Variants in TAFA1 observed in about 807,000 individuals in gnomAD.
The protein encoded by TAFA1 is TAFA chemokine like family member 1, also known as chemokine-like protein TAFA-1.
In TAFA1, 4 loss-of-function variants were observed where a neutral mutation model predicts 18.5. That is an observed-to-expected ratio of 0.22 (90% confidence interval 0.11 to 0.49). The LOEUF (loss-of-function observed/expected upper bound fraction) is 0.49. Ranked by LOEUF, TAFA1 falls within the 20% of genes least tolerant of loss-of-function variation. The pLI is 0.98. For synonymous variants in TAFA1, 56 were observed against 55.2 expected (o/e 1.01, Z -0.06); for missense variants, 147 against 169.0 (o/e 0.87, Z 0.72).
At chr3:68,266,106 C>A (rs1384042922) in intron 2 of TAFA1, among the ~76,000 whole-genome samples, 1 of 152,040 alleles carries the variant, frequency 6.6e-6, no homozygotes, top group Non-Finnish European at 1.5e-5. Flanking sequence ...AAAGAAAGCA[C>A]CCGTGATAAG....
intron 3 of TAFA1, among the ~76,000 whole-genome samples, chr3:68,429,400 T>C (rs1299494129): frequency 6.6e-6 from 1 of 151,956 alleles, no homozygotes; most frequent in Non-Finnish European, 1.5e-5. Context: ...AAGAACCTGA[T>C]GCCTTAGAGA....
At chr3:68,517,290 T>C (rs2072937765) in intron 3 of TAFA1, among the ~76,000 whole-genome samples, 1 of 152,250 alleles carries the variant, frequency 6.6e-6, no homozygotes, top group Non-Finnish European at 1.5e-5. Flanking sequence ...GCAGAGAATG[T>C]AATACCAGTT....
At chr3:68,204,558 G>A (rs761884093) in intron 2 of TAFA1, among the ~76,000 whole-genome samples, 8 of 151,958 alleles carry the variant, frequency 5.3e-5, no homozygotes, top group South Asian at 2.1e-4. Flanking sequence ...TCTGAATCAC[G>A]TGCCTTTGCA....
intron 2 of TAFA1, among the ~76,000 whole-genome samples, chr3:68,329,946 C>A (rs1411066499): frequency 6.6e-6 from 1 of 152,122 alleles, no homozygotes; most frequent in Non-Finnish European, 1.5e-5. Flanking sequence ...AACCCCAAGT[C>A]AAGCTGGCAA....
intron 2 of TAFA1, among the ~76,000 whole-genome samples, chr3:68,367,715 G>A (rs1327390565): frequency 1.3e-5 from 2 of 152,090 alleles, no homozygotes; most frequent in Non-Finnish European, 2.9e-5. Flanking sequence ...GCTCTCTGTG[G>A]TAGGACCCAT....
intron 3 of TAFA1, among the ~76,000 whole-genome samples, chr3:68,469,714 C>T (rs1399900580): frequency 6.6e-6 from 1 of 152,106 alleles, no homozygotes; most frequent in East Asian, 1.9e-4. Context: ...TTCTTTGAGA[C>T]ATTGGAAGCT....
At chr3:68,212,991 G>A (rs1429138581) in intron 2 of TAFA1, among the ~76,000 whole-genome samples, 2 of 151,662 alleles carry the variant, frequency 1.3e-5, no homozygotes, top group South Asian at 2.1e-4. Context: ...CCTCCTCTGG[G>A]CCCAGCTAAC....
Position 68,523,718 on chromosome 3 carries a change from G to A in TAFA1, c.260-15038G>A, listed in dbSNP as rs535868750. On this transcript the variant is annotated intron_variant, in intron 3 of 4. Transcript: ENST00000478136. ...TGTTTTGCTATTTAAGTGTATTATG[G>A]AAAAGATTGTTTTTATTTTTCTTTT... Among the ~76,000 whole-genome samples the A allele has an allele frequency of 1.2e-4, 19 of 152,198 alleles. No individual in the cohort carries two copies. In the East Asian group the frequency reaches 3.7e-3, roughly 29 times the overall value.
intron 3 of TAFA1, among the ~76,000 whole-genome samples, chr3:68,498,387 G>A (rs1367070411): frequency 6.8e-6 from 1 of 147,028 alleles, no homozygotes; most frequent in Non-Finnish European, 1.5e-5. Context: ...ACACCTAGGA[G>A]GCAGGGTTAT....
chr3:67,993,696 A>G, the TAFA1 span, among the ~76,000 whole-genome samples: 1 of 152,224 alleles, frequency 6.6e-6, no homozygotes. Flanking sequence ...AAACTGAGTC[A>G]GTTTAGTATA....
intron 2 of TAFA1, among the ~76,000 whole-genome samples, chr3:68,260,505 A>T (rs1307608767): frequency 6.6e-6 from 1 of 152,118 alleles, no homozygotes; most frequent in East Asian, 1.9e-4. Context: ...ATAGTTTCAG[A>T]AGGAAATCAA....
At chr3:68,253,891 T>C (rs1362119021) in intron 2 of TAFA1, among the ~76,000 whole-genome samples, 1 of 152,194 alleles carries the variant, frequency 6.6e-6, no homozygotes, top group Non-Finnish European at 1.5e-5. Flanking sequence ...GTCATTATTG[T>C]GTGACATTAG....
Position 68,525,371 on chromosome 3 carries a change from G to A in TAFA1, c.260-13385G>A, listed in dbSNP as rs181536186. Among the ~76,000 whole-genome samples, 7 of 152,216 alleles carry A rather than the reference G, an allele frequency of 4.6e-5. No individual in the cohort carries two copies. The East Asian group carries it at 9.7e-4, about 21-fold the overall frequency. On this transcript the variant is annotated intron_variant, in intron 3 of 4. Transcript: ENST00000478136. ...TTCTCATCTGCTTTAAAACTCATAG[G>A]TGAAGGCTCTGCTATGCTTTTATAT...
intron 2 of TAFA1, among the ~76,000 whole-genome samples, chr3:68,102,256 A>C (rs2065156229): frequency 6.6e-6 from 1 of 152,114 alleles, no homozygotes; most frequent in Admixed American, 6.6e-5. Context: ...AAAGTCTGTT[A>C]ACTCTCCTAC....
chr3:68,035,018 A>G (rs1430073093), intron 2 of TAFA1, among the ~76,000 whole-genome samples: 1 of 152,160 alleles, frequency 6.6e-6, no homozygotes, highest in Non-Finnish European at 1.5e-5. Context: ...CAATATTTAC[A>G]GATAGGGCTG....
intron 3 of TAFA1, among the ~76,000 whole-genome samples, chr3:68,505,890 T>G (rs1356817065): frequency 1.3e-5 from 2 of 151,640 alleles, no homozygotes; most frequent in African/African-American, 4.8e-5. Context: ...ATTTCTTTTT[T>G]TTTTTATTAT....
At chr3:68,385,497 T>A (rs2070078926) in intron 2 of TAFA1, among the ~76,000 whole-genome samples, 1 of 152,014 alleles carries the variant, frequency 6.6e-6, no homozygotes, top group South Asian at 2.1e-4. Flanking sequence ...GCACTTAAAG[T>A]CTCTGGGCCT....
chr3:68,124,046 G>T (rs1045732136), intron 2 of TAFA1, among the ~76,000 whole-genome samples: 8 of 152,180 alleles, frequency 5.3e-5, no homozygotes, highest in African/African-American at 1.9e-4. Context: ...TCCTTTTAAT[G>T]TTGAAATTTT....
intron 2 of TAFA1, among the ~76,000 whole-genome samples, chr3:68,228,457 C>G (rs2066830585): frequency 2.0e-5 from 3 of 152,134 alleles, no homozygotes; most frequent in African/African-American, 4.8e-5. Context: ...GCATGATAAT[C>G]AGGCTCAAAA....
Sources: allele counts gnomAD v4.1 joint callset (sites outside exome capture counted in the v4.1 genomes callset), GRCh38; gene constraint gnomAD v4.1.1; transcripts MANE v1.5; gene names NCBI Gene and HGNC (gene_info 2026-07-23, HGNC 2026-07-21).